DLGAP2: variants seen among roughly 807,000 people sequenced by gnomAD.
DLGAP2 encodes disks large-associated protein 2.
In DLGAP2, 26 loss-of-function variants were observed where a neutral mutation model predicts 100.3. The ratio of observed to expected loss-of-function variants is 0.26; its 90% confidence interval spans 0.19 to 0.36. The LOEUF (loss-of-function observed/expected upper bound fraction) is 0.36, where lower values mean the gene tolerates loss of function less well. Ranked by LOEUF, DLGAP2 falls within the 10% of genes least tolerant of loss-of-function variation. The probability of loss-of-function intolerance (pLI) is 1.00; values close to 1 mark genes in which losing one functional copy is unlikely to be tolerated. For missense variants in DLGAP2, 1,858 were observed against 1,453.2 expected (o/e 1.28, Z -4.53); for synonymous variants, 886 against 630.1 (o/e 1.41, Z -6.08).
intron 3 of DLGAP2, among the ~76,000 whole-genome samples, chr8:1,484,978 G>A (rs1799200565): frequency 6.6e-6 from 1 of 152,148 alleles, no homozygotes; most frequent in African/African-American, 2.4e-5. Context: ...TCAATAAGAA[G>A]GCATTATCTT....
chr8:1,585,318 G>C (rs965519549), intron 6 of DLGAP2, among the ~76,000 whole-genome samples: 14 of 151,928 alleles, frequency 9.2e-5, no homozygotes, highest in African/African-American at 3.1e-4. Context: ...CAAAAAATTA[G>C]CCAGGCATTT....
rs193051730 is a variant in DLGAP2 at position 809,130 on chromosome 8, C to G, written c.18+71305C>G. 3.6e-3 allele frequency among the ~76,000 whole-genome samples: 550 copies of G among 152,172 alleles called. 2 individuals carry two copies. The highest frequency in any genetic ancestry group is 0.013 in the African/African-American group (519 of 41,508). On this transcript the variant is annotated intron_variant, in intron 1 of 14. Coordinates refer to ENST00000637795, the MANE Select transcript of DLGAP2 (RefSeq NM_001346810.2). ...ATGTTGGCCAGGCTGGTTTCGAATT[C>G]CTGGCCTCAAGTGATCTGCCTGCCT...
chr8:826,407 C>T (rs865962047), intron 1 of DLGAP2, among the ~76,000 whole-genome samples: 1 of 152,012 alleles, frequency 6.6e-6, no homozygotes, highest in Non-Finnish European at 1.5e-5. Context: ...TTATTATTTC[C>T]TTCCTTTCAT....
intron 3 of DLGAP2, among the ~76,000 whole-genome samples, chr8:1,465,744 C>T (rs1036162625): frequency 1.3e-5 from 2 of 152,210 alleles, no homozygotes; most frequent in East Asian, 3.9e-4. Context: ...GTGTTGCTAG[C>T]AGACCAAGGG....
intron 10 of DLGAP2, among the ~76,000 whole-genome samples, chr8:1,674,687 G>A (rs7010293): frequency 0.45 from 67,841 of 152,008 alleles, 17,942 homozygotes; most frequent in African/African-American, 0.72. Context: ...CAGACCTCCC[G>A]TCTGGTGAAT....
chr8:1,343,853 A>G (rs148798548), intron 3 of DLGAP2, among the ~76,000 whole-genome samples: 93 of 152,198 alleles, frequency 6.1e-4, no homozygotes, highest in African/African-American at 1.5e-3. Flanking sequence ...TGATGCTCCA[A>G]TTCCAGGGAG....
At chr8:815,706 A>G (rs1171139902) in intron 1 of DLGAP2, among the ~76,000 whole-genome samples, 3 of 152,180 alleles carry the variant, frequency 2.0e-5, no homozygotes, top group African/African-American at 7.2e-5. Context: ...TCTATCCCTA[A>G]TGTGCCTATC....
At chr8:1,288,918 T>C (rs887322113) in intron 3 of DLGAP2, among the ~76,000 whole-genome samples, 14 of 152,130 alleles carry the variant, frequency 9.2e-5, no homozygotes, top group Non-Finnish European at 2.1e-4. Flanking sequence ...TTGTAGAAAA[T>C]TGTATAAGAT....
In DLGAP2 at chr8:1,705,819, G is replaced by A. The variant is rs1480105581; in HGVS notation, c.*4413G>A. 1.3e-5 allele frequency: 2 copies of A among 152,134 alleles called. No homozygotes were observed. The highest frequency in any genetic ancestry group is 2.1e-4 in the South Asian group (1 of 4,824). 9.4% of individuals were successfully genotyped at this position (152,134 alleles called of 1,614,324 possible). A position where few individuals can be genotyped will look rare whatever the true frequency, so the allele number is the denominator to read the frequency against. Reference sequence around the variant, plus strand: ...AGGGTTCTCTTGTTTTGATCTGCATGTCTGTTTACACTTCTCTGTAGGCGT... The same window carrying A: ...AGGGTTCTCTTGTTTTGATCTGCATATCTGTTTACACTTCTCTGTAGGCGT... On this transcript the variant is annotated 3_prime_UTR_variant, in exon 15 of 15. Transcript: ENST00000637795.
At chr8:1,374,966 T>G (rs1008849273) in intron 3 of DLGAP2, among the ~76,000 whole-genome samples, 1 of 151,432 alleles carries the variant, frequency 6.6e-6, no homozygotes, top group Admixed American at 6.6e-5. Flanking sequence ...GTGGTCGATC[T>G]CAAGCCCAAT....
At chr8:941,105 C>T (rs905785578) in intron 2 of DLGAP2, among the ~76,000 whole-genome samples, 1 of 152,132 alleles carries the variant, frequency 6.6e-6, no homozygotes, top group African/African-American at 2.4e-5. Context: ...GGCCCTTTCC[C>T]AGGAGCTTTC....
At chr8:818,606 T>G (rs1378764756) in intron 1 of DLGAP2, among the ~76,000 whole-genome samples, 1 of 152,230 alleles carries the variant, frequency 6.6e-6, no homozygotes, top group Non-Finnish European at 1.5e-5. Flanking sequence ...CATGCTGCTC[T>G]GTACATCCGA....
rs1382940587 is a variant in DLGAP2, at chr8:1,351,850, G to A, written c.106+92967G>A. On this transcript the variant is annotated intron_variant, in intron 3 of 14. Transcript: ENST00000637795. ...GAAAGGCCATGCGGGTCCTGAGTGT[G>A]CGTGGAAAGGCCGTGCAGGTCCTGA... 2.1e-5 allele frequency among the ~76,000 whole-genome samples: 2 copies of A among 93,820 alleles called. 1 individual carries two copies. Among genetic ancestry groups the A allele is most frequent in the Non-Finnish European group, 4.5e-5 (2 of 44,126 alleles). The allele number at this position is 93,820 out of a possible 152,430, so 61.5% of individuals were successfully genotyped here.
intron 2 of DLGAP2, among the ~76,000 whole-genome samples, chr8:1,129,232 C>T (rs781510511): frequency 2.4e-4 from 37 of 151,978 alleles, no homozygotes; most frequent in East Asian, 1.8e-3. Context: ...GGTGAAAACC[C>T]GTCTCTAGTA....
intron 1 of DLGAP2, among the ~76,000 whole-genome samples, chr8:879,945 A>G (rs1401672551): frequency 3.3e-5 from 5 of 152,140 alleles, no homozygotes; most frequent in Admixed American, 6.5e-5. Context: ...TATCTTAACC[A>G]TATCCCTCGA....
chr8:1,477,320 T>G (rs375029312), intron 3 of DLGAP2, among the ~76,000 whole-genome samples: 21 of 152,252 alleles, frequency 1.4e-4, no homozygotes, highest in African/African-American at 4.8e-4. Flanking sequence ...CAGGCCATGT[T>G]GGTGGCAGGG....
intron 2 of DLGAP2, among the ~76,000 whole-genome samples, chr8:1,113,243 G>A (rs1175235788): frequency 2.0e-5 from 3 of 152,164 alleles, no homozygotes; most frequent in African/African-American, 7.2e-5. Context: ...TGTAAAGAGT[G>A]TCATTGGTAT....
chr8:1,495,670 A>T (rs1403468024), intron 3 of DLGAP2, among the ~76,000 whole-genome samples: 3 of 151,916 alleles, frequency 2.0e-5, no homozygotes, highest in African/African-American at 7.3e-5. Flanking sequence ...GCTGACGTGG[A>T]CATCTTTGCC....
At chr8:1,262,513 G>T (rs1799371972) in intron 3 of DLGAP2, 1 of 152,172 alleles carries the variant, frequency 6.6e-6, no homozygotes, top group Non-Finnish European at 1.5e-5. Context: ...TCACAGGAAT[G>T]CAGTTTCTAC....
Sources: gnomAD v4.1 joint callset for allele counts (sites outside exome capture counted in the v4.1 genomes callset) on GRCh38, gnomAD v4.1.1 for gene constraint, MANE v1.5 for transcripts, NCBI Gene and HGNC (gene_info 2026-07-23, HGNC 2026-07-21) for gene names.